The following PLEKHA8 variants were observed in gnomAD, a reference collection of about 807,000 sequenced individuals.
PLEKHA8 encodes pleckstrin homology domain containing A8.
In PLEKHA8, 36 loss-of-function variants were observed where a neutral mutation model predicts 68.2. That is an observed-to-expected ratio of 0.53 (90% CI 0.40 to 0.70). The LOEUF is 0.70. PLEKHA8 is among the 30% of genes least tolerant of loss of function. The pLI is 0.00. For missense variants in PLEKHA8, 505 were observed against 615.4 expected (o/e 0.82, Z 1.90); for synonymous variants, 211 against 216.1 (o/e 0.98, Z 0.20).
At chr7:30,036,699 T>C (rs1412340092) in intron 1 of PLEKHA8, among the ~76,000 whole-genome samples, 1 of 152,166 alleles carries the variant, frequency 6.6e-6, no homozygotes, top group African/African-American at 2.4e-5. Context: ...TTTGATATAA[T>C]CTATTGTAAT....
chr7:30,093,470 C>A (rs1019006419), downstream of PLEKHA8, among the ~76,000 whole-genome samples: 1 of 152,198 alleles, frequency 6.6e-6, no homozygotes, highest in Non-Finnish European at 1.5e-5. Context: ...CACTATGTGG[C>A]TATGTCCTGT....
chr7:30,080,472 C>T lies in PLEKHA8; in HGVS notation c.*1685C>T. On this transcript the variant is annotated 3_prime_UTR_variant, in exon 14 of 14. Transcript: ENST00000449726. ...AGATGATGCTGTTCCTGCTGCAGAT[C>T]TCTAGGATGGAGAGAATTCTCTCTT... The T allele has an allele frequency of 1.0e-6, 1 of 985,262 alleles. No homozygotes were observed. Among genetic ancestry groups the T allele is most frequent in the Non-Finnish European group, 1.2e-6 (1 of 829,900 alleles). 61.0% of individuals were successfully genotyped at this position (985,262 alleles called of 1,614,324 possible).
intron 12 of PLEKHA8, among the ~76,000 whole-genome samples, chr7:30,070,356 A>G (rs546478413): frequency 6.6e-6 from 1 of 151,364 alleles, no homozygotes; most frequent in African/African-American, 2.4e-5. Context: ...CTGTACAAAC[A>G]CTCTCCCATC....
At chr7:30,120,972 T>C (rs566860628) in intron 13 of PLEKHA8, among the ~76,000 whole-genome samples, 1 of 151,796 alleles carries the variant, frequency 6.6e-6, no homozygotes, top group Non-Finnish European at 1.5e-5. Context: ...GGAATACTAG[T>C]AACATATTGA....
chr7:30,120,883 T>C (rs1376536124), intron 13 of PLEKHA8, among the ~76,000 whole-genome samples: 1 of 152,218 alleles, frequency 6.6e-6, no homozygotes, highest in African/African-American at 2.4e-5. Context: ...ATCCAAACTG[T>C]GACAATTATT....
In PLEKHA8 at chr7:30,082,445, C is replaced by T. The variant is rs961076456; in HGVS notation, c.*3658C>T. 5.1e-6 allele frequency: 5 copies of T among 985,236 alleles called. No homozygotes were observed. Among genetic ancestry groups the T allele is most frequent in the Non-Finnish European group, 6.0e-6 (5 of 829,950 alleles). 61.0% of individuals were successfully genotyped at this position (985,236 alleles called of 1,614,324 possible). A position where few individuals can be genotyped will look rare whatever the true frequency, so the allele number is the denominator to read the frequency against. On this transcript the variant is annotated 3_prime_UTR_variant, in exon 14 of 14. Coordinates refer to ENST00000449726, the MANE Select transcript of PLEKHA8 (RefSeq NM_001197026.2). ...TCAGTGGGGATTCTGTTCCCCCACC[C>T]CCCAGACTGCAAGAGCTTCTTAAGA...
downstream of PLEKHA8, among the ~76,000 whole-genome samples, chr7:30,093,256 C>T (rs1583461539): frequency 6.6e-6 from 1 of 152,210 alleles, no homozygotes; most frequent in Non-Finnish European, 1.5e-5. Context: ...ATTATGAATA[C>T]TTATGAACTA....
intron 10 of PLEKHA8, among the ~76,000 whole-genome samples, 200 bp downstream of exon 10, chr7:30,061,142 TG>T (rs1163860996): frequency 1.3e-5 from 2 of 152,230 alleles, no homozygotes; most frequent in African/African-American, 4.8e-5. Context: ...TTAAGCTTTA[TG>T]GGGAGTAGAA....
downstream of PLEKHA8, among the ~76,000 whole-genome samples, chr7:30,087,856 T>C (rs1795240948): frequency 6.6e-6 from 1 of 152,262 alleles, no homozygotes; most frequent in African/African-American, 2.4e-5. Context: ...TAAATGATAC[T>C]TTATGAATTA....
intron 12 of PLEKHA8, chr7:30,090,065 T>C: frequency 7.3e-7 from 1 of 1,369,138 alleles, no homozygotes; most frequent in Non-Finnish European, 9.9e-7. Flanking sequence ...AAAAAGGAAC[T>C]AAAAAAGTAT....
chr7:30,088,016 C>T (rs963324523), downstream of PLEKHA8, among the ~76,000 whole-genome samples: 7 of 152,184 alleles, frequency 4.6e-5, no homozygotes, highest in Non-Finnish European at 8.8e-5. Context: ...CTTCCTTGTC[C>T]GTCGTAGAAT....
intron 13 of PLEKHA8, among the ~76,000 whole-genome samples, chr7:30,123,284 CAGTT>C (rs1796722432): frequency 6.6e-6 from 1 of 152,210 alleles, no homozygotes; most frequent in African/African-American, 2.4e-5. Flanking sequence ...CAAGGTCACA[CAGTT>C]AGGGGATAGT....
chr7:30,128,091 A>ATTT (rs35173428), intron 13 of PLEKHA8, among the ~76,000 whole-genome samples: 9 of 122,720 alleles, frequency 7.3e-5, no homozygotes, highest in Non-Finnish European at 1.4e-4. Flanking sequence ...GTTTTACTGT[A>ATTT]TTTTTTTTTT....
intron 9 of PLEKHA8, among the ~76,000 whole-genome samples, chr7:30,056,785 GTATATA>G (rs1185665108): frequency 3.2e-4 from 26 of 82,354 alleles, no homozygotes; most frequent in African/African-American, 1.2e-3. Flanking sequence ...GTGTGTGTGT[GTATATA>G]TATATGTTAT....
intron 7 of PLEKHA8, among the ~76,000 whole-genome samples, chr7:30,053,836 A>C (rs1792610475): frequency 6.6e-6 from 1 of 152,204 alleles, no homozygotes; most frequent in Non-Finnish European, 1.5e-5. Context: ...TCCTGGGGGA[A>C]ATACAAGGTT....
downstream of PLEKHA8, chr7:30,130,260 A>C (rs567325003): frequency 1.2e-3 from 181 of 152,316 alleles, 1 homozygote; most frequent in African/African-American, 4.2e-3. Flanking sequence ...TGTTAAAACA[A>C]TGGTTTTGTG....
intron 9 of PLEKHA8, 126 bp from the exon 10 acceptor site, chr7:30,060,758 G>C: frequency 2.8e-6 from 2 of 721,384 alleles, no homozygotes; most frequent in Non-Finnish European, 4.6e-6. Flanking sequence ...ATTATGTTTA[G>C]ATAAATGATT....
chr7:30,056,844 AATAG>A (rs988795964), intron 9 of PLEKHA8, among the ~76,000 whole-genome samples: 5 of 145,496 alleles, frequency 3.4e-5, no homozygotes, highest in African/African-American at 7.5e-5. Context: ...ATATATATTT[AATAG>A]ATAAATATAT....
chr7:30,110,553 G>T (rs1270259858), intron 13 of PLEKHA8, among the ~76,000 whole-genome samples: 2 of 152,102 alleles, frequency 1.3e-5, no homozygotes, highest in Non-Finnish European at 2.9e-5. Context: ...ATTGCTTATT[G>T]CTTGGTCATA....
Sources: gnomAD v4.1 joint callset for allele counts (sites outside exome capture counted in the v4.1 genomes callset) on GRCh38, gnomAD v4.1.1 for gene constraint, MANE v1.5 for transcripts, NCBI Gene and HGNC (gene_info 2026-07-23, HGNC 2026-07-21) for gene names.